Variants in FUT8 observed in about 807,000 individuals in gnomAD.
FUT8 encodes the protein fucosyltransferase 8.
In FUT8, 29 loss-of-function variants were observed where a neutral mutation model predicts 71.3. The observed-to-expected ratio is 0.41, with a 90% CI of 0.30 to 0.55. FUT8 has a LOEUF of 0.55. Ranked by LOEUF, FUT8 falls within the 20% of genes least tolerant of loss-of-function variation. The pLI is 0.34. For synonymous variants in FUT8, 254 were observed against 239.3 expected, an observed-to-expected ratio of 1.06 and a Z score of -0.57; for missense variants, 544 against 702.1, an observed-to-expected ratio of 0.77 and a Z score of 2.55.
intron 2 of FUT8, among the ~76,000 whole-genome samples, chr14:65,555,604 G>C (rs989538911): frequency 1.2e-4 from 19 of 152,134 alleles, no homozygotes; most frequent in African/African-American, 4.6e-4. Context: ...GCTGTGTTTT[G>C]TTTGGGTTCT....
Position 65,435,269 on chromosome 14 carries a change from AT to A in FUT8, c.-325-20344del, listed in dbSNP as rs540143986. 7.8e-3 allele frequency among the ~76,000 whole-genome samples: 1,192 copies of A among 151,910 alleles called. 9 individuals are homozygous for A. The highest frequency in any genetic ancestry group is 0.024 in the African/African-American group (987 of 41,432). ...TGTTTATATGTATTATTTTTGTTGT[AT>A]TTTTTTTACTATAATATTTTCTATC... On this transcript the variant is annotated intron_variant, in intron 1 of 10. Coordinates refer to ENST00000673929, the MANE Select transcript of FUT8 (RefSeq NM_001371533.1).
At chr14:65,455,081 G>GT (rs1594647947) in intron 1 of FUT8, among the ~76,000 whole-genome samples, 1 of 152,014 alleles carries the variant, frequency 6.6e-6, no homozygotes, top group African/African-American at 2.4e-5. Flanking sequence ...AAAAATCCCT[G>GT]TTTTTTAAAA....
rs1204192575 is a variant in FUT8 at position 65,557,212 on chromosome 14, CA to C, written c.-227-4122del. On this transcript the variant is annotated intron_variant, in intron 2 of 10. Transcript: ENST00000673929. Reference sequence around the variant, plus strand: ...TGTTTATTGTTCCAGAGACATTAAACAAATATTACCCAAAGAATCTCTGTAA... The same window carrying C: ...TGTTTATTGTTCCAGAGACATTAAACAATATTACCCAAAGAATCTCTGTAA... Among the ~76,000 whole-genome samples, 3 of 152,040 alleles carry C rather than the reference CA, an allele frequency of 2.0e-5. No individual in the cohort carries two copies. In the East Asian group the frequency reaches 5.8e-4, roughly 29 times the overall value.
intron 7 of FUT8, among the ~76,000 whole-genome samples, chr14:65,692,122 C>A (rs1380581625): frequency 6.6e-6 from 1 of 152,140 alleles, no homozygotes; most frequent in Non-Finnish European, 1.5e-5. Flanking sequence ...TTGGGTACAC[C>A]TCCCAGACCG....
rs74058564 is a variant in FUT8 at position 65,706,818 on chromosome 14, A to G, written c.836-14957A>G. 7.9e-3 allele frequency among the ~76,000 whole-genome samples: 1,205 copies of G among 152,222 alleles called. 9 individuals are homozygous for G. The highest frequency in any genetic ancestry group is 0.024 in the African/African-American group (1,004 of 41,526). On this transcript the variant is annotated intron_variant, in intron 7 of 10. Coordinates refer to ENST00000673929, the MANE Select transcript of FUT8 (RefSeq NM_001371533.1). ...GATTTCAGCATATGAATTTGGGGGG[A>G]AAATAAAAATTCAGACCATAGCATG...
Position 65,629,554 on chromosome 14 carries a change from AAG to A in FUT8, c.548_549del (p.Glu183GlyfsTer30). 1 of 1,613,930 alleles carries A rather than the reference AAG, an allele frequency of 6.2e-7. No homozygotes were observed. The highest frequency in any genetic ancestry group is 8.5e-7 in the Non-Finnish European group (1 of 1,179,796). ...GATGGAGCAGGTGATTGGCGGGAAA[AAG>A]AGGCCAAAGATCTGACAGAACTGGT... On this transcript the variant is annotated frameshift_variant, in exon 6 of 11. Coordinates refer to ENST00000673929, the MANE Select transcript of FUT8 (RefSeq NM_001371533.1). LOFTEE classifies it high-confidence loss of function.
At chr14:65,479,333 T>G (rs1959144) in intron 2 of FUT8, among the ~76,000 whole-genome samples, 106,131 of 152,066 alleles carry the variant, frequency 0.7, 37,311 homozygotes, top group East Asian at 0.9. Context: ...AATTATTTTT[T>G]AGGTTGTTGA....
At chr14:65,447,640 G>A (rs993653081) in intron 1 of FUT8, among the ~76,000 whole-genome samples, 4 of 151,530 alleles carry the variant, frequency 2.6e-5, no homozygotes, top group African/African-American at 9.7e-5. Context: ...TGTTTTTGGC[G>A]TGTTTAGTAG....
chr14:65,536,719 G>A (rs1428888104), intron 2 of FUT8, among the ~76,000 whole-genome samples: 1 of 152,122 alleles, frequency 6.6e-6, no homozygotes, highest in Non-Finnish European at 1.5e-5. Context: ...AGAATCTGAT[G>A]ATTATGTATC....
Position 65,535,200 on chromosome 14 carries a change from A to C in FUT8, c.-227-26137A>C, listed in dbSNP as rs138447308. On this transcript the variant is annotated intron_variant, in intron 2 of 10. Coordinates refer to ENST00000673929, the MANE Select transcript of FUT8 (RefSeq NM_001371533.1). ...TTGCAGCCTCTGCCTCCCAGGTTCA[A>C]GCGATTCTCATGCCTCAGCGTCATG... 5.7e-3 allele frequency among the ~76,000 whole-genome samples: 872 copies of C among 151,966 alleles called. 31 individuals carry two copies. In the East Asian group the frequency reaches 0.093, roughly 16 times the overall value.
intron 9 of FUT8, among the ~76,000 whole-genome samples, chr14:65,727,338 T>C (rs1895736301): frequency 6.6e-6 from 1 of 152,206 alleles, no homozygotes; most frequent in African/African-American, 2.4e-5. Context: ...AACTTCTGCC[T>C]GGGCATCCAG....
At chr14:65,564,339 A>G (rs1886074911) in intron 3 of FUT8, among the ~76,000 whole-genome samples, 1 of 152,122 alleles carries the variant, frequency 6.6e-6, no homozygotes, top group Non-Finnish European at 1.5e-5. Context: ...GCTTGAAACT[A>G]CAATTTTTTA....
At chr14:65,411,899 C>G (rs1008985904), upstream of FUT8, 8 of 378,172 alleles carry the variant, frequency 2.1e-5, no homozygotes, top group Admixed American at 2.5e-4. Flanking sequence ...GCGCTCCGGT[C>G]CTCCCGCTCA....
intron 7 of FUT8, among the ~76,000 whole-genome samples, chr14:65,684,431 T>G (rs1893178508): frequency 6.6e-6 from 1 of 152,200 alleles, no homozygotes; most frequent in Admixed American, 6.5e-5. Flanking sequence ...GAATGTAGTC[T>G]TTGAGTTGTA....
At chr14:65,576,851 C>G (rs1400536530) in intron 3 of FUT8, among the ~76,000 whole-genome samples, 1 of 151,686 alleles carries the variant, frequency 6.6e-6, no homozygotes, top group Non-Finnish European at 1.5e-5. Flanking sequence ...TCCTGAGTAG[C>G]TGGGATTATA....
chr14:65,380,489 G>A, the FUT8 span, among the ~76,000 whole-genome samples: 1 of 152,204 alleles, frequency 6.6e-6, no homozygotes, highest in Non-Finnish European at 1.5e-5. Flanking sequence ...TAGAGGCATG[G>A]TTCAGCAGCC....
chr14:65,742,591 T>C lies in FUT8; in HGVS notation c.*181T>C, dbSNP rs139825356. ...GGCTTCAATTGGTGGAATTCCTCTT[T>C]AACAAGGGCTGCAATGCCCTCATAC... is the stretch of plus-strand genomic sequence containing the variant. On this transcript the variant is annotated 3_prime_UTR_variant, in exon 11 of 11. Coordinates refer to ENST00000673929, the MANE Select transcript of FUT8 (RefSeq NM_001371533.1). The C allele has an allele frequency of 2.6e-3, 1,552 of 596,314 alleles. 4 individuals carry two copies. Among genetic ancestry groups the C allele is most frequent in the Non-Finnish European group, 3.9e-3 (1,330 of 337,582 alleles). 36.9% of individuals were successfully genotyped at this position (596,314 alleles called of 1,614,324 possible).
chr14:65,664,903 A>C (rs1030782584), intron 6 of FUT8, among the ~76,000 whole-genome samples: 4 of 152,154 alleles, frequency 2.6e-5, no homozygotes, highest in Admixed American at 2.0e-4. Context: ...TTATATGAAG[A>C]ACTAAGATGC....
chr14:65,731,804 C>T (rs903106918), intron 9 of FUT8, among the ~76,000 whole-genome samples: 1 of 152,120 alleles, frequency 6.6e-6, no homozygotes, highest in Non-Finnish European at 1.5e-5. Context: ...CTTAGGTACC[C>T]TTTTGATTTG....
Sources: allele counts gnomAD v4.1 joint callset (sites outside exome capture counted in the v4.1 genomes callset), GRCh38; gene constraint gnomAD v4.1.1; transcripts MANE v1.5; gene names NCBI Gene and HGNC (gene_info 2026-07-23, HGNC 2026-07-21).